The following GSE1 variants were observed in gnomAD, a reference collection of about 807,000 sequenced individuals.
The protein encoded by GSE1 is genetic suppressor element 1.
GSE1 carries 32 observed loss-of-function variants against 112.6 expected under a neutral mutation model. The ratio of observed to expected loss-of-function variants is 0.28; its 90% CI spans 0.21 to 0.38. The LOEUF is 0.38. Ranked by LOEUF, GSE1 falls within the 10% of genes least tolerant of loss-of-function variation. The pLI is 1.00. For missense variants in GSE1, 2,348 were observed against 1,699.2 expected, an observed-to-expected ratio of 1.38 and a Z score of -6.71; for synonymous variants, 1,115 against 735.6, an observed-to-expected ratio of 1.52 and a Z score of -8.35.
At chr16:85,454,269 C>T (rs559032141) in intron 2 of GSE1, among the ~76,000 whole-genome samples, 14 of 152,346 alleles carry the variant, frequency 9.2e-5, no homozygotes, top group African/African-American at 2.9e-4. Context: ...TCATACCCTC[C>T]GAGCTTCTCC....
chr16:85,569,910 A>G (rs2045912354), intron 1 of GSE1, among the ~76,000 whole-genome samples: 1 of 152,064 alleles, frequency 6.6e-6, no homozygotes, highest in South Asian at 2.1e-4. Context: ...CTGTGTGGAG[A>G]TGAGGCCACT....
intron 1 of GSE1, among the ~76,000 whole-genome samples, chr16:85,618,472 G>A (rs116876393): frequency 1.8e-3 from 272 of 152,322 alleles, no homozygotes; most frequent in African/African-American, 6.2e-3. Flanking sequence ...CTGACTGTTC[G>A]TATCTGCCTC....
chr16:85,427,110 C>T (rs181603685), intron 2 of GSE1, among the ~76,000 whole-genome samples: 223 of 152,276 alleles, frequency 1.5e-3, no homozygotes, highest in Non-Finnish European at 2.5e-3. Flanking sequence ...GTGTCAACCC[C>T]AGCACCAGCA....
chr16:85,498,489 GCATA>G (rs1294227231), intron 2 of GSE1, among the ~76,000 whole-genome samples: 1 of 152,078 alleles, frequency 6.6e-6, no homozygotes, highest in Non-Finnish European at 1.5e-5. Context: ...GTACACACAT[GCATA>G]CAGACACACA....
At chr16:85,314,103 CTG>C (rs149950349) in intron 1 of GSE1, among the ~76,000 whole-genome samples, 61 of 150,094 alleles carry the variant, frequency 4.1e-4, no homozygotes, top group African/African-American at 1.4e-3. Context: ...TGACACAGCT[CTG>C]TGTGTGTGTG....
intron 3 of GSE1, among the ~76,000 whole-genome samples, chr16:85,650,877 C>T (rs1012862193): frequency 2.3e-4 from 35 of 151,916 alleles, no homozygotes; most frequent in Non-Finnish European, 4.6e-4. Context: ...GCTTCTCGGC[C>T]CCTTCTCGGG....
chr16:85,654,557 C>G lies in GSE1; in HGVS notation c.599+107C>G, dbSNP rs906249273. ...GTCTGCACAGATGAGGCTGTGCCTG[C>G]TAGATGGTTGTCGGCCGCTGAGCCC... On this transcript the variant is annotated intron_variant, in intron 4 of 15. Transcript: ENST00000253458. 2.9e-6 allele frequency: 3 copies of G among 1,020,358 alleles called. No homozygotes were observed. The African/African-American group carries it at 4.8e-5, about 16-fold the overall frequency. 63.2% of individuals were successfully genotyped at this position (1,020,358 alleles called of 1,614,324 possible). A position where few individuals can be genotyped will look rare whatever the true frequency, so the allele number is the denominator to read the frequency against.
At chr16:85,507,128 G>T (rs539389075) in intron 2 of GSE1, among the ~76,000 whole-genome samples, 10 of 152,208 alleles carry the variant, frequency 6.6e-5, no homozygotes, top group Non-Finnish European at 1.2e-4. Context: ...CCATCAGCGG[G>T]CGTCGTCGAC....
At chr16:85,354,629 C>G (rs554518727) in intron 1 of GSE1, among the ~76,000 whole-genome samples, 3 of 152,324 alleles carry the variant, frequency 2.0e-5, no homozygotes, top group Non-Finnish European at 4.4e-5. Context: ...GGACAGGGGT[C>G]GAGACTGGGG....
At chr16:85,305,026 C>T (rs1302306997) in intron 1 of GSE1, among the ~76,000 whole-genome samples, 1 of 152,224 alleles carries the variant, frequency 6.6e-6, no homozygotes, top group African/African-American at 2.4e-5. Flanking sequence ...AGGAGCCCAT[C>T]CAGCCCAGCT....
intron 2 of GSE1, among the ~76,000 whole-genome samples, chr16:85,492,536 A>G (rs1051672197): frequency 6.6e-6 from 1 of 152,214 alleles, no homozygotes; most frequent in African/African-American, 2.4e-5. Flanking sequence ...CAAGAGTTCA[A>G]TGAGGGGAGG....
At chr16:85,646,022 C>T (rs191050204) in intron 2 of GSE1, among the ~76,000 whole-genome samples, 1 of 148,850 alleles carries the variant, frequency 6.7e-6, no homozygotes, top group East Asian at 2.0e-4. Context: ...TTCTCCCACG[C>T]TTTCTATGCA....
At position 85,538,197 on chromosome 16, in the gene GSE1, G is replaced by A. The variant is rs554814446; in HGVS notation, c.2465-95717G>A. ...GGCCACCCTAGAGCCACCTGTGGCC[G>A]CCCGGCTGGCCCGCCAGCAATGGGT... is the stretch of plus-strand genomic sequence containing the variant. On this transcript the variant is annotated intron_variant, in intron 2 of 2. Transcript: ENST00000637419. Among the ~76,000 whole-genome samples the A allele has an allele frequency of 7.9e-5, 12 of 152,336 alleles. No homozygotes were observed. In the East Asian group the frequency reaches 2.1e-3, roughly 27 times the overall value.
chr16:85,599,662 G>A (rs914902388), intron 1 of GSE1, among the ~76,000 whole-genome samples: 4 of 152,208 alleles, frequency 2.6e-5, no homozygotes, highest in African/African-American at 7.2e-5. Context: ...ATGGGCTGAG[G>A]CAGTTGGAGG....
At chr16:85,647,259 C>T (rs1314037159) in intron 2 of GSE1, among the ~76,000 whole-genome samples, 4 of 152,158 alleles carry the variant, frequency 2.6e-5, no homozygotes, top group Non-Finnish European at 5.9e-5. Flanking sequence ...TGCCCTGCAC[C>T]CTCCCCCTGC....
chr16:85,420,122 C>T (rs769536979), intron 2 of GSE1, among the ~76,000 whole-genome samples: 5 of 152,112 alleles, frequency 3.3e-5, no homozygotes, highest in Middle Eastern at 3.4e-3. Context: ...GGTGGTGGCT[C>T]ATGCCTATAA....
chr16:85,621,619 G>A (rs1046291179), intron 1 of GSE1, among the ~76,000 whole-genome samples: 2 of 152,176 alleles, frequency 1.3e-5, no homozygotes, highest in Non-Finnish European at 1.5e-5. Flanking sequence ...TGGTTTCCAG[G>A]TTGAGACTGG....
At chr16:85,188,356 A>T (rs2074752000) in intron 1 of GSE1, among the ~76,000 whole-genome samples, 1 of 152,226 alleles carries the variant, frequency 6.6e-6, no homozygotes, top group Non-Finnish European at 1.5e-5. Flanking sequence ...GTATGTGCTC[A>T]ATTAATGTTG....
intron 2 of GSE1, among the ~76,000 whole-genome samples, chr16:85,428,065 G>T (rs929531723): frequency 2.0e-5 from 3 of 152,190 alleles, no homozygotes; most frequent in Non-Finnish European, 4.4e-5. Flanking sequence ...GACAGGACCT[G>T]CTGCATTGGA....
Sources: gnomAD v4.1 joint callset for allele counts (sites outside exome capture counted in the v4.1 genomes callset) on GRCh38, gnomAD v4.1.1 for gene constraint, MANE v1.5 for transcripts, NCBI Gene and HGNC (gene_info 2026-07-23, HGNC 2026-07-21) for gene names.